The following COBL variants were observed in gnomAD, a reference collection of about 807,000 sequenced individuals.
COBL encodes protein cordon-bleu.
In COBL, 51 loss-of-function variants were observed where a neutral mutation model predicts 98.8. That is an observed-to-expected ratio of 0.52 (90% CI 0.41 to 0.65). The LOEUF (loss-of-function observed/expected upper bound fraction) is 0.65, where lower values mean the gene tolerates loss of function less well. Ranked by LOEUF, COBL falls within the 30% of genes least tolerant of loss-of-function variation. COBL has a pLI of 0.00. For missense variants in COBL, 1,617 were observed against 1,617.5 expected (o/e 1.00, Z 0.01); for synonymous variants, 634 against 651.7 (o/e 0.97, Z 0.41).
intron 6 of COBL, among the ~76,000 whole-genome samples, chr7:51,128,691 G>A (rs1311636615): frequency 6.6e-6 from 1 of 152,252 alleles, no homozygotes; most frequent in Non-Finnish European, 1.5e-5. Flanking sequence ...CCTCCCCTCT[G>A]CTGCCAGGGT....
chr7:51,243,197 G>A (rs965070519), intron 1 of COBL, among the ~76,000 whole-genome samples: 3 of 152,232 alleles, frequency 2.0e-5, no homozygotes, highest in Admixed American at 6.5e-5. Context: ...TATTCTGGAC[G>A]CTATTCCATG....
chr7:51,202,998 AC>A (rs1174340648), intron 2 of COBL, among the ~76,000 whole-genome samples: 1 of 151,556 alleles, frequency 6.6e-6, no homozygotes, highest in Non-Finnish European at 1.5e-5. Context: ...CCGCGATCGC[AC>A]CACTGCACTC....
rs147309503 is a variant in COBL at position 51,177,775 on chromosome 7, A to AAAATAAATAAAT, written c.783+6315_783+6326dup. 1.2e-3 allele frequency among the ~76,000 whole-genome samples: 176 copies of AAAATAAATAAAT among 142,896 alleles called. 1 individual carries two copies. Among genetic ancestry groups the AAAATAAATAAAT allele is most frequent in the Middle Eastern group, 7.0e-3 (2 of 284 alleles). The allele number at this position is 142,896 out of a possible 152,430, so 93.7% of individuals were successfully genotyped here. A position where few individuals can be genotyped will look rare whatever the true frequency, so the allele number is the denominator to read the frequency against. The stretch of plus-strand genomic sequence containing the variant: ...GCGACAGAGAGGACTCTGTCTCAAA[A>AAAATAAATAAAT]AAATAAATAAATAAATAAATAAATA... On this transcript the variant is annotated intron_variant, in intron 5 of 12. Transcript: ENST00000265136.
At chr7:51,172,330 C>T in intron 5 of COBL, 1 of 400,300 alleles carries the variant, frequency 2.5e-6, no homozygotes, top group Non-Finnish European at 4.1e-6. Context: ...GCTTTCGACT[C>T]TATCTAGACT....
chr7:51,213,190 G>A (rs1792626844), intron 2 of COBL, among the ~76,000 whole-genome samples: 1 of 152,190 alleles, frequency 6.6e-6, no homozygotes, highest in Non-Finnish European at 1.5e-5. Context: ...CAGTCTGACA[G>A]CTTAATATGG....
intron 1 of COBL, among the ~76,000 whole-genome samples, chr7:51,301,532 C>T (rs899703001): frequency 1.2e-4 from 18 of 152,338 alleles, no homozygotes; most frequent in African/African-American, 3.8e-4. Flanking sequence ...CCGTCCCTGC[C>T]GGGCCCCACC....
intron 5 of COBL, among the ~76,000 whole-genome samples, chr7:51,145,145 G>A (rs1265203656): frequency 6.6e-6 from 1 of 151,688 alleles, no homozygotes; most frequent in East Asian, 2.0e-4. Context: ...CTCCTGAGTA[G>A]CTGGGATTAT....
chr7:51,070,392 A>AACACAC lies in COBL; in HGVS notation c.1096+14768_1096+14773dup, dbSNP rs369051694. ...TGGGTATGAAGGATGAAACAGTTAA[A>AACACAC]ACACACACACACACACACACACACA... is the stretch of plus-strand genomic sequence containing the variant. On this transcript the variant is annotated intron_variant, in intron 7 of 12. Coordinates refer to ENST00000265136, the MANE Select transcript of COBL (RefSeq NM_015198.5). Among the ~76,000 whole-genome samples the AACACAC allele has an allele frequency of 2.6e-3, 355 of 139,014 alleles. 1 individual carries two copies. The highest frequency in any genetic ancestry group is 4.5e-3 in the East Asian group (21 of 4,678). The allele number at this position is 139,014 out of a possible 152,430, so 91.2% of individuals were successfully genotyped here.
chr7:51,250,675 T>A (rs1404949444), intron 1 of COBL, among the ~76,000 whole-genome samples: 1 of 152,262 alleles, frequency 6.6e-6, no homozygotes, highest in Non-Finnish European at 1.5e-5. Context: ...TCCTTGAACC[T>A]TAAACATTGG....
At chr7:51,238,516 G>A (rs1406968294) in intron 1 of COBL, among the ~76,000 whole-genome samples, 6 of 152,220 alleles carry the variant, frequency 3.9e-5, no homozygotes, top group South Asian at 2.1e-4. Context: ...CTCTTTGTCC[G>A]CCAGCCCTAA....
chr7:51,270,956 T>C (rs900182024), intron 1 of COBL, among the ~76,000 whole-genome samples: 1 of 152,124 alleles, frequency 6.6e-6, no homozygotes, highest in East Asian at 1.9e-4. Flanking sequence ...ATACAGACAG[T>C]AGGGGGGTCA....
intron 1 of COBL, among the ~76,000 whole-genome samples, chr7:51,233,610 T>C (rs1258989725): frequency 6.6e-6 from 1 of 152,180 alleles, no homozygotes; most frequent in African/African-American, 2.4e-5. Context: ...CTTTTGTCAA[T>C]AACTGAAAAG....
At chr7:51,262,412 T>C (rs1046854836) in intron 1 of COBL, among the ~76,000 whole-genome samples, 18 of 152,042 alleles carry the variant, frequency 1.2e-4, no homozygotes, top group Non-Finnish European at 2.4e-4. Context: ...AGTCAGAAGC[T>C]GAAGAGAGGA....
At chr7:51,209,144 T>C (rs1257231931) in intron 2 of COBL, among the ~76,000 whole-genome samples, 3 of 150,348 alleles carry the variant, frequency 2.0e-5, no homozygotes, top group Non-Finnish European at 4.4e-5. Context: ...GAGCATGAGC[T>C]GCAGGGCCCT....
At chr7:51,218,819 A>T (rs1321447671) in intron 2 of COBL, among the ~76,000 whole-genome samples, 1 of 152,214 alleles carries the variant, frequency 6.6e-6, no homozygotes, top group Non-Finnish European at 1.5e-5. Flanking sequence ...ATGCTGCTTC[A>T]ATTCACTGCT....
intron 1 of COBL, among the ~76,000 whole-genome samples, chr7:51,228,706 T>C (rs1794439898): frequency 6.6e-6 from 1 of 152,148 alleles, no homozygotes; most frequent in African/African-American, 2.4e-5. Context: ...ACACATCAAG[T>C]AAATATTCAA....
At chr7:51,230,261 C>T (rs1794620041) in intron 1 of COBL, among the ~76,000 whole-genome samples, 1 of 152,212 alleles carries the variant, frequency 6.6e-6, no homozygotes, top group South Asian at 2.1e-4. Context: ...GGTTTCTAGG[C>T]CTAACAACAC....
At chr7:51,154,799 T>A (rs1785951325) in intron 5 of COBL, among the ~76,000 whole-genome samples, 1 of 152,258 alleles carries the variant, frequency 6.6e-6, no homozygotes, top group Admixed American at 6.5e-5. Context: ...AACCAGGCCA[T>A]CTGCTTCAGC....
chr7:51,138,221 GTCAA>G (rs1562955372), intron 5 of COBL, among the ~76,000 whole-genome samples: 1 of 152,162 alleles, frequency 6.6e-6, no homozygotes, highest in East Asian at 1.9e-4. Flanking sequence ...CAGAACACTC[GTCAA>G]TGCCTATTTA....
Sources: gnomAD v4.1 joint callset for allele counts (sites outside exome capture counted in the v4.1 genomes callset) on GRCh38, gnomAD v4.1.1 for gene constraint, MANE v1.5 for transcripts, NCBI Gene and HGNC (gene_info 2026-07-23, HGNC 2026-07-21) for gene names.